CD83: variants seen among roughly 807,000 people sequenced by gnomAD.
CD83 encodes the protein CD83 antigen.
CD83 carries 22 observed loss-of-function variants against 24.6 expected under a neutral mutation model. The ratio of observed to expected loss-of-function variants is 0.90; its 90% CI spans 0.64 to 1.28. The LOEUF (loss-of-function observed/expected upper bound fraction) is 1.28, where lower values mean the gene tolerates loss of function less well. Among genes scored for constraint, CD83 ranks in the 50% most tolerant of loss-of-function variants. CD83 has a pLI of 0.00. For missense variants in CD83, 253 were observed against 252.8 expected (o/e 1.00, Z -0.01); for synonymous variants, 101 against 103.5 (o/e 0.98, Z 0.14).
chr6:14,131,597 G>C lies in CD83; in HGVS notation c.231G>C (p.Gly77=), dbSNP rs745981131. The change falls in exon 3 of 5, where the codon GGG becomes GGC. Residue 77 remains glycine, a synonymous_variant. Coordinates refer to ENST00000379153, the MANE Select transcript of CD83 (RefSeq NM_004233.4). ...HLRGQHYHQK[G]QNGSFDAPNE... is the part of the protein sequence containing the mutation. ...GGGGACAGCACTATCATCAGAAGGG[G>C]CAAAATGGTTCTTTCGACGCCCCCA... 3 of 1,614,134 alleles carry C rather than the reference G, an allele frequency of 1.9e-6. No individual in the cohort carries two copies. In the East Asian group the frequency reaches 6.7e-5, roughly 36 times the overall value.
At chr6:14,127,464 A>G (rs1221826936) in intron 2 of CD83, among the ~76,000 whole-genome samples, 2 of 152,028 alleles carry the variant, frequency 1.3e-5, no homozygotes, top group South Asian at 2.1e-4. Flanking sequence ...ACTTTCCACA[A>G]TAGGATGTTT....
intron 2 of CD83, among the ~76,000 whole-genome samples, chr6:14,123,893 A>G (rs1348542181): frequency 1.3e-5 from 2 of 152,282 alleles, no homozygotes; most frequent in African/African-American, 4.8e-5. Context: ...AGTTTGGAGA[A>G]GGTCTCAGTG....
In CD83 at chr6:14,129,357, G is replaced by A. The variant is rs899859744; in HGVS notation, c.154-2163G>A. Among the ~76,000 whole-genome samples the A allele has an allele frequency of 2.0e-5, 3 of 152,172 alleles. No individual in the cohort carries two copies. The highest frequency in any genetic ancestry group is 7.2e-5 in the African/African-American group (3 of 41,430). ...GAAGCCGCTCTGCCAGGCAGCGGAAGGGAGAGGCAAGCAGTGTGAGCCCAT... is the reference window on the plus strand; with the variant it reads ...GAAGCCGCTCTGCCAGGCAGCGGAAAGGAGAGGCAAGCAGTGTGAGCCCAT... On this transcript the variant is annotated intron_variant, in intron 2 of 4. Coordinates refer to ENST00000379153, the MANE Select transcript of CD83 (RefSeq NM_004233.4). This position sits in a 1 kb window ranked among gnomAD's most constrained non-coding sequence, Gnocchi z 4.3.
intron 2 of CD83, among the ~76,000 whole-genome samples, chr6:14,126,289 A>G (rs193003741): frequency 6.6e-6 from 1 of 151,784 alleles, no homozygotes; most frequent in East Asian, 1.9e-4. Context: ...TATAAAAAAA[A>G]GGAGAGAGAG....
chr6:14,123,992 C>G (rs1183824842), intron 2 of CD83, among the ~76,000 whole-genome samples: 4 of 152,194 alleles, frequency 2.6e-5, no homozygotes, highest in Non-Finnish European at 4.4e-5. Flanking sequence ...TTTCCGTAAT[C>G]CCTTCCTGGC....
intron 2 of CD83, among the ~76,000 whole-genome samples, chr6:14,118,366 T>C (rs1759593377): frequency 6.6e-6 from 1 of 151,960 alleles, no homozygotes; most frequent in Admixed American, 6.5e-5. Context: ...TCATTTGGAT[T>C]AATTCTGGAG....
At chr6:14,121,160 G>T (rs1759660271) in intron 2 of CD83, among the ~76,000 whole-genome samples, 1 of 152,052 alleles carries the variant, frequency 6.6e-6, no homozygotes, top group African/African-American at 2.4e-5. Flanking sequence ...TAGGATAGTA[G>T]CTCAATTTAG....
intron 2 of CD83, among the ~76,000 whole-genome samples, chr6:14,122,752 G>T (rs948024378): frequency 6.6e-6 from 1 of 152,208 alleles, no homozygotes; most frequent in African/African-American, 2.4e-5. Context: ...TTGCTTTTCA[G>T]ATGTCTCTCA....
intron 2 of CD83, 30 bp from the exon 3 acceptor site, chr6:14,131,490 C>A: frequency 6.5e-7 from 1 of 1,537,402 alleles, no homozygotes. Context: ...TTGCAGTGGA[C>A]CGTGATGCGC....
chr6:14,124,787 C>T (rs996656126), intron 2 of CD83, among the ~76,000 whole-genome samples: 3 of 151,996 alleles, frequency 2.0e-5, no homozygotes, highest in Non-Finnish European at 2.9e-5. Flanking sequence ...TTATGGATGG[C>T]GTTGTGGCTT....
At chr6:14,133,855 G>C in intron 4 of CD83, 100 bp downstream of exon 4, 1 of 729,694 alleles carries the variant, frequency 1.4e-6, no homozygotes, top group Non-Finnish European at 2.3e-6. Context: ...ATAATGGTGA[G>C]AGAGATTATT....
chr6:14,133,181 C>T (rs1484105459), intron 3 of CD83, among the ~76,000 whole-genome samples: 1 of 152,244 alleles, frequency 6.6e-6, no homozygotes, highest in Admixed American at 6.5e-5. Flanking sequence ...GAGGTGAGGA[C>T]ACACCACAGT....
intron 2 of CD83, among the ~76,000 whole-genome samples, chr6:14,121,255 G>A (rs991374138): frequency 2.6e-5 from 4 of 151,898 alleles, no homozygotes; most frequent in South Asian, 2.1e-4. Flanking sequence ...CTGCAGCCTC[G>A]ACTTCCTGGG....
chr6:14,127,350 CT>C (rs537429032), intron 2 of CD83, among the ~76,000 whole-genome samples: 1 of 152,042 alleles, frequency 6.6e-6, no homozygotes, highest in East Asian at 1.9e-4. Context: ...GATCAAAACT[CT>C]TTTTTTGCTA....
At chr6:14,122,282 A>G (rs1487699039) in intron 2 of CD83, among the ~76,000 whole-genome samples, 1 of 152,218 alleles carries the variant, frequency 6.6e-6, no homozygotes, top group Non-Finnish European at 1.5e-5. Context: ...GCGTGAGGCC[A>G]CTTCAAAAGT....
intron 3 of CD83, 97 bp from the exon 4 acceptor site, chr6:14,133,552 C>A: frequency 1.3e-6 from 1 of 755,846 alleles, no homozygotes; most frequent in Non-Finnish European, 2.2e-6. Context: ...AGGAGACAAG[C>A]AGGACTCCAG....
chr6:14,130,879 C>T (rs1375764727), intron 2 of CD83, among the ~76,000 whole-genome samples: 2 of 152,308 alleles, frequency 1.3e-5, no homozygotes, highest in East Asian at 3.9e-4. Flanking sequence ...AATGATCTGA[C>T]ACATACACTC....
intron 2 of CD83, among the ~76,000 whole-genome samples, chr6:14,131,174 A>G (rs1216366214): frequency 6.6e-6 from 1 of 152,244 alleles, no homozygotes; most frequent in Non-Finnish European, 1.5e-5. Context: ...TTTAATACAG[A>G]ACAGTCCTAT....
In CD83 at chr6:14,136,463, A is replaced by T. The variant is rs1399075356; in HGVS notation, c.*1227A>T. Reference sequence around the variant, plus strand: ...TGGACACACGGGAGCCGCTGGCAGAAGGGACTTCACGAAGTGTTGCATGGA... The same window carrying T: ...TGGACACACGGGAGCCGCTGGCAGATGGGACTTCACGAAGTGTTGCATGGA... On this transcript the variant is annotated 3_prime_UTR_variant, in exon 5 of 5. Transcript: ENST00000379153. The T allele has an allele frequency of 6.6e-6, 1 of 152,252 alleles. No individual in the cohort carries two copies. Among genetic ancestry groups the T allele is most frequent in the African/African-American group, 2.4e-5 (1 of 41,466 alleles). 9.4% of individuals were successfully genotyped at this position (152,252 alleles called of 1,614,324 possible).
Sources: allele counts gnomAD v4.1 joint callset (sites outside exome capture counted in the v4.1 genomes callset), GRCh38; gene constraint gnomAD v4.1.1; non-coding constraint Gnocchi (gnomAD v3.1); transcripts MANE v1.5; gene names NCBI Gene and HGNC (gene_info 2026-07-23, HGNC 2026-07-21).